ZBTB25: variants seen among roughly 807,000 people sequenced by gnomAD.
The protein encoded by ZBTB25 is zinc finger and BTB domain containing 25.
A neutral mutation model predicts 34.2 loss-of-function variants in ZBTB25; 20 were observed. The ratio of observed to expected loss-of-function variants is 0.58; its 90% CI spans 0.41 to 0.85. The LOEUF (loss-of-function observed/expected upper bound fraction) is 0.85. Ranked by LOEUF, ZBTB25 falls within the 40% of genes least tolerant of loss-of-function variation. The pLI is 0.00. For missense variants in ZBTB25, 437 were observed against 521.8 expected (o/e 0.84, Z 1.58); for synonymous variants, 175 against 186.4 (o/e 0.94, Z 0.50).
At chr14:64,455,428 C>A (rs1417772351) in intron 2 of ZBTB25, among the ~76,000 whole-genome samples, 1 of 152,136 alleles carries the variant, frequency 6.6e-6, no homozygotes, top group Non-Finnish European at 1.5e-5. Context: ...CCATTGCTTT[C>A]TTATCTTACA....
chr14:64,501,456 C>G (rs1273913255), intron 1 of ZBTB25, among the ~76,000 whole-genome samples: 1 of 152,190 alleles, frequency 6.6e-6, no homozygotes, highest in African/African-American at 2.4e-5. Context: ...TTAGCTTTCT[C>G]TTCTTAAAAG....
downstream of ZBTB25, chr14:64,473,327 C>T (rs748591800): frequency 1.2e-5 from 2 of 167,050 alleles, no homozygotes; most frequent in Non-Finnish European, 2.9e-5. Context: ...GAAAAGCTGT[C>T]TGCATAATTT....
intron 2 of ZBTB25, chr14:64,467,218 G>T (rs2141002356): frequency 6.6e-6 from 1 of 152,330 alleles, no homozygotes; most frequent in African/African-American, 2.4e-5. Flanking sequence ...GCAATCTTGT[G>T]TTAATCTGAG....
chr14:64,495,961 G>GAA (rs529836297), intron 1 of ZBTB25, among the ~76,000 whole-genome samples: 33,778 of 139,248 alleles, frequency 0.24, 4,425 homozygotes, highest in Non-Finnish European at 0.32. Flanking sequence ...ATCTCAAAAG[G>GAA]AAAAAAAAAA....
intron 1 of ZBTB25, among the ~76,000 whole-genome samples, chr14:64,498,928 C>A (rs1452837416): frequency 6.6e-6 from 1 of 152,156 alleles, no homozygotes; most frequent in African/African-American, 2.4e-5. Context: ...GCCACCGCGC[C>A]CAGCCCAGAT....
Position 64,485,266 on chromosome 14 carries a change from A to G in ZBTB25, c.*1657T>C. The G allele has an allele frequency of 1.0e-6, 1 of 985,438 alleles. No individual in the cohort carries two copies. The highest frequency in any genetic ancestry group is 1.2e-6 in the Non-Finnish European group (1 of 829,936). The allele number at this position is 985,438 out of a possible 1,614,324, so 61.0% of individuals were successfully genotyped here. ...AGGAAACGTCCTCAGAAGTGGAGGG[A>G]GCTCAAGAGTTTTGTAAGTGGTTAA... On this transcript the variant is annotated 3_prime_UTR_variant, in exon 3 of 3. Coordinates refer to ENST00000608382, the MANE Select transcript of ZBTB25 (RefSeq NM_006977.5).
chr14:64,492,211 ATTATTATTAT>A (rs1245201704), intron 1 of ZBTB25, among the ~76,000 whole-genome samples: 1 of 135,186 alleles, frequency 7.4e-6, no homozygotes, highest in Non-Finnish European at 1.7e-5. Context: ...TATTATTATT[ATTATTATTAT>A]TTGAGACGGA....
intron 2 of ZBTB25, chr14:64,458,474 C>G: frequency 1.5e-6 from 1 of 662,082 alleles, no homozygotes; most frequent in South Asian, 1.7e-5. Context: ...TGGCAATAAC[C>G]AATGAATTGA....
upstream of ZBTB25, chr14:64,504,482 C>T (rs2140049964): frequency 6.3e-6 from 1 of 157,868 alleles, no homozygotes; most frequent in East Asian, 1.8e-4. Flanking sequence ...AGGTCCCAAG[C>T]CTACCCTTGA....
chr14:64,485,313 A>T lies in ZBTB25; in HGVS notation c.*1610T>A. The T allele has an allele frequency of 1.0e-6, 1 of 985,406 alleles. No individual in the cohort carries two copies. The highest frequency in any genetic ancestry group is 1.2e-6 in the Non-Finnish European group (1 of 829,916). The allele number at this position is 985,406 out of a possible 1,614,324, so 61.0% of individuals were successfully genotyped here. A position where few individuals can be genotyped will look rare whatever the true frequency, so the allele number is the denominator to read the frequency against. On this transcript the variant is annotated 3_prime_UTR_variant, in exon 3 of 3. Transcript: ENST00000608382. Reference sequence around the variant, plus strand: ...TTAAATTCTAAGGCTCACAAACCAAATTTTTTAGATGTATTCAAATGCCCG... The same window carrying T: ...TTAAATTCTAAGGCTCACAAACCAATTTTTTTAGATGTATTCAAATGCCCG...
chr14:64,468,348 AG>A, intron 2 of ZBTB25: 1 of 1,506,606 alleles, frequency 6.6e-7, no homozygotes, highest in Non-Finnish European at 8.9e-7. Context: ...AAGGCTGCTA[AG>A]GAAGAGAGAA....
intron 2 of ZBTB25, among the ~76,000 whole-genome samples, chr14:64,451,164 CA>C (rs1388379532): frequency 4.0e-5 from 6 of 149,702 alleles, no homozygotes; most frequent in South Asian, 4.2e-4. Context: ...AACTTCGTCT[CA>C]AAAAAAAAAT....
chr14:64,449,298 C>A, exon 3 of ZBTB25: 1 of 864,944 alleles, frequency 1.2e-6, no homozygotes, highest in Non-Finnish European at 1.9e-6. Flanking sequence ...TAGTAAGTTT[C>A]GGAGCTGAGA....
chr14:64,471,098 TA>T (rs1566588511), intron 2 of ZBTB25: 2 of 166,948 alleles, frequency 1.2e-5, no homozygotes, highest in African/African-American at 4.8e-5. Flanking sequence ...TTGAGACCAG[TA>T]AAAAGCATTT....
At chr14:64,476,086 G>A (rs765861063), downstream of ZBTB25, among the ~76,000 whole-genome samples, 2 of 152,166 alleles carry the variant, frequency 1.3e-5, no homozygotes, top group African/African-American at 2.4e-5. Context: ...ACTTGTACCC[G>A]AACCTTTTAT....
chr14:64,498,382 G>A (rs936447691), intron 1 of ZBTB25, among the ~76,000 whole-genome samples: 19 of 151,098 alleles, frequency 1.3e-4, no homozygotes, highest in African/African-American at 4.4e-4. Context: ...GCGCGATCTC[G>A]GCTCAATGCA....
intron 2 of ZBTB25, among the ~76,000 whole-genome samples, chr14:64,453,514 T>C (rs1487294156): frequency 6.6e-6 from 1 of 152,152 alleles, no homozygotes; most frequent in Non-Finnish European, 1.5e-5. Flanking sequence ...GGGGTTACAG[T>C]GAACTGAGAT....
intron 2 of ZBTB25, among the ~76,000 whole-genome samples, chr14:64,457,018 T>A (rs1232313320): frequency 6.6e-6 from 1 of 152,232 alleles, no homozygotes; most frequent in Non-Finnish European, 1.5e-5. Context: ...AAGTAGAAAT[T>A]TGTCAAAGCC....
Position 64,483,506 on chromosome 14 carries a change from T to C in ZBTB25, c.*3417A>G, listed in dbSNP as rs1269203166. 6.6e-6 allele frequency: 1 copy of C among 152,170 alleles called. No homozygotes were observed. Among genetic ancestry groups the C allele is most frequent in the Non-Finnish European group, 1.5e-5 (1 of 68,092 alleles). 9.4% of individuals were successfully genotyped at this position (152,170 alleles called of 1,614,324 possible). On this transcript the variant is annotated 3_prime_UTR_variant, in exon 3 of 3. Coordinates refer to ENST00000608382, the MANE Select transcript of ZBTB25 (RefSeq NM_006977.5). ...GTTAGCCAGGATGGTCTGGATCTTC[T>C]GACCTCGTGACCCGCCCGCCTCGGC... is the stretch of plus-strand genomic sequence containing the variant.
Sources: gnomAD v4.1 joint callset for allele counts (sites outside exome capture counted in the v4.1 genomes callset) on GRCh38, gnomAD v4.1.1 for gene constraint, MANE v1.5 for transcripts, NCBI Gene and HGNC (gene_info 2026-07-23, HGNC 2026-07-21) for gene names.